RBM6: variants seen among roughly 807,000 people sequenced by gnomAD.
The protein encoded by RBM6 is RNA binding motif protein 6.
Under a neutral mutation model 140.4 loss-of-function variants are expected in RBM6, and 23 were observed. That is an observed-to-expected ratio of 0.16 (90% CI 0.12 to 0.23). The LOEUF is 0.23. Ranked by LOEUF, RBM6 falls within the 10% of genes least tolerant of loss-of-function variation. The pLI is 1.00. For missense variants in RBM6, 1,139 were observed against 1,386.7 expected (o/e 0.82, Z 2.84); for synonymous variants, 439 against 475.6 (o/e 0.92, Z 1.00).
At chr3:50,052,843 G>T (rs1284966781) in intron 7 of RBM6, among the ~76,000 whole-genome samples, 2 of 152,112 alleles carry the variant, frequency 1.3e-5, no homozygotes, top group African/African-American at 4.8e-5. Context: ...GGCTCCTAAG[G>T]CTTCTCTTAG....
intron 1 of RBM6, among the ~76,000 whole-genome samples, chr3:49,957,206 A>G (rs906512828): frequency 1.3e-4 from 19 of 151,770 alleles, no homozygotes; most frequent in Admixed American, 9.2e-4. Flanking sequence ...CTGGTCTCAA[A>G]CTCCTGGCCT....
chr3:50,000,320 A>T (rs1394622027), intron 6 of RBM6, among the ~76,000 whole-genome samples: 3 of 150,732 alleles, frequency 2.0e-5, no homozygotes, highest in Non-Finnish European at 4.4e-5. Context: ...GAAACTTAGG[A>T]ATATAGTTTG....
intron 5 of RBM6, among the ~76,000 whole-genome samples, chr3:49,998,863 G>C (rs754552227): frequency 6.6e-6 from 1 of 152,144 alleles, no homozygotes; most frequent in African/African-American, 2.4e-5. Context: ...AGGAAAAAAA[G>C]AGGAGACCTG....
At chr3:49,994,302 A>G (rs1671168442) in intron 5 of RBM6, among the ~76,000 whole-genome samples, 1 of 152,174 alleles carries the variant, frequency 6.6e-6, no homozygotes, top group African/African-American at 2.4e-5. Flanking sequence ...AGCTCAAGTA[A>G]TCCTCCTACC....
chr3:50,039,247 TA>T (rs2088724735), intron 6 of RBM6, among the ~76,000 whole-genome samples: 1 of 152,132 alleles, frequency 6.6e-6, no homozygotes, highest in Non-Finnish European at 1.5e-5. Context: ...ATTATTTATT[TA>T]TTTATTTTGA....
intron 6 of RBM6, among the ~76,000 whole-genome samples, chr3:50,020,512 C>T (rs567350634): frequency 1.3e-5 from 2 of 152,240 alleles, no homozygotes; most frequent in East Asian, 3.9e-4. Context: ...CTATAAATTT[C>T]CCTCTCAGCA....
chr3:50,060,791 A>G, intron 11 of RBM6, 165 bp from the exon 12 acceptor site: 1 of 436,088 alleles, frequency 2.3e-6, no homozygotes, highest in Non-Finnish European at 3.9e-6. Context: ...CTTACTGCTC[A>G]TTCTTTCAGG....
At chr3:49,994,240 T>G (rs890400518) in intron 5 of RBM6, among the ~76,000 whole-genome samples, 5 of 150,122 alleles carry the variant, frequency 3.3e-5, no homozygotes, top group African/African-American at 9.8e-5. Flanking sequence ...ATTTTTTCTG[T>G]TTTTTTTTGT....
At chr3:50,055,888 C>T (rs2089676252) in intron 8 of RBM6, among the ~76,000 whole-genome samples, 1 of 152,156 alleles carries the variant, frequency 6.6e-6, no homozygotes, top group Non-Finnish European at 1.5e-5. Flanking sequence ...TTCAGGTAGG[C>T]AACTTCGAAG....
At chr3:50,027,928 G>C (rs2087931337) in intron 6 of RBM6, among the ~76,000 whole-genome samples, 1 of 152,222 alleles carries the variant, frequency 6.6e-6, no homozygotes, top group Non-Finnish European at 1.5e-5. Context: ...CCATGTTGGA[G>C]TGGTGTAGTG....
At chr3:50,070,028 T>G (rs1174783388) in intron 18 of RBM6, among the ~76,000 whole-genome samples, 1 of 152,114 alleles carries the variant, frequency 6.6e-6, no homozygotes, top group Admixed American at 6.6e-5. Context: ...AGTGAGAGAT[T>G]CCAGGAGTTA....
intron 1 of RBM6, among the ~76,000 whole-genome samples, chr3:49,959,880 G>T (rs558970021): frequency 6.6e-6 from 1 of 152,242 alleles, no homozygotes; most frequent in Admixed American, 6.6e-5. Context: ...CCTAGGTCTT[G>T]TATGATCATA....
intron 6 of RBM6, among the ~76,000 whole-genome samples, chr3:50,025,808 G>A (rs1006895403): frequency 6.6e-6 from 1 of 151,862 alleles, no homozygotes; most frequent in Non-Finnish European, 1.5e-5. Context: ...GTCTCCTAGT[G>A]TAGGTATCAG....
At position 50,054,326 on chromosome 3, in the gene RBM6, T is replaced by C. The variant is rs1467554149; in HGVS notation, c.1633-9T>C. 6.2e-7 allele frequency: 1 copy of C among 1,602,398 alleles called. No homozygotes were observed. Among genetic ancestry groups the C allele is most frequent in the East Asian group, 2.2e-5 (1 of 44,836 alleles). ...TTTTCAGTCAAATTGATTTCCTTCT[T>C]CCTTACAGTGTAAGGCAAACATTGG... On this transcript the variant is annotated splice_polypyrimidine_tract_variant and intron_variant, in intron 7 of 20. Coordinates refer to ENST00000266022, the MANE Select transcript of RBM6 (RefSeq NM_005777.3).
chr3:50,057,480 C>T (rs1251296594), intron 8 of RBM6, among the ~76,000 whole-genome samples: 1 of 148,632 alleles, frequency 6.7e-6, no homozygotes, highest in Non-Finnish European at 1.5e-5. Context: ...CCCAGCTACT[C>T]TGAAGGCTGA....
intron 14 of RBM6, 132 bp downstream of exon 14, chr3:50,061,679 T>C: frequency 1.4e-6 from 2 of 1,464,100 alleles, no homozygotes; most frequent in Non-Finnish European, 1.8e-6. Flanking sequence ...GCATGAAAAG[T>C]GGAAAAGTTT....
At chr3:50,045,255 A>G (rs1159368959) in intron 6 of RBM6, among the ~76,000 whole-genome samples, 2 of 152,178 alleles carry the variant, frequency 1.3e-5, no homozygotes, top group Non-Finnish European at 2.9e-5. Context: ...TGAAATCAGA[A>G]TTTGCAGGTG....
chr3:50,058,325 C>G, intron 9 of RBM6, 77 bp from the exon 10 acceptor site: 1 of 1,455,066 alleles, frequency 6.9e-7, no homozygotes. Flanking sequence ...TAAAAAATGA[C>G]AGTCAGATTC....
intron 7 of RBM6, among the ~76,000 whole-genome samples, chr3:50,049,283 G>A (rs1332985651): frequency 1.3e-5 from 2 of 149,812 alleles, no homozygotes; most frequent in Non-Finnish European, 3.0e-5. Context: ...TAATTTTTTT[G>A]TAGTTTTTAG....
Sources: gnomAD v4.1 joint callset for allele counts (sites outside exome capture counted in the v4.1 genomes callset) on GRCh38, gnomAD v4.1.1 for gene constraint, MANE v1.5 for transcripts, NCBI Gene and HGNC (gene_info 2026-07-23, HGNC 2026-07-21) for gene names.